The following NDUFAF6 variants were observed in gnomAD, a reference collection of about 807,000 sequenced individuals.
NDUFAF6 encodes the protein NADH:ubiquinone oxidoreductase complex assembly factor 6, also known as NADH dehydrogenase (ubiquinone) complex I, assembly factor 6.
Under a neutral mutation model 40.8 loss-of-function variants are expected in NDUFAF6, and 45 were observed. The observed-to-expected ratio is 1.10, with a 90% CI of 0.87 to 1.42. The LOEUF (loss-of-function observed/expected upper bound fraction) is 1.42, where lower values mean the gene tolerates loss of function less well. NDUFAF6 is among the 40% of genes most tolerant of loss of function. The probability of loss-of-function intolerance (pLI) is 0.00; values close to 1 mark genes in which losing one functional copy is unlikely to be tolerated. For synonymous variants in NDUFAF6, 185 were observed against 155.9 expected (o/e 1.19, Z -1.39); for missense variants, 435 against 418.5 (o/e 1.04, Z -0.34).
intron 2 of NDUFAF6, among the ~76,000 whole-genome samples, chr8:95,101,985 C>A (rs992175166): frequency 3.3e-5 from 4 of 122,192 alleles, no homozygotes; most frequent in Non-Finnish European, 5.0e-5. Flanking sequence ...AAAGTGTAAT[C>A]TAAAAAAGTA....
At chr8:95,020,542 T>C (rs533531327), upstream of NDUFAF6, among the ~76,000 whole-genome samples, 1 of 152,210 alleles carries the variant, frequency 6.6e-6, no homozygotes, top group East Asian at 1.9e-4. Context: ...AGGCTACCCT[T>C]CCTCTGAGCA....
intron 1 of NDUFAF6, among the ~76,000 whole-genome samples, chr8:94,914,836 A>G (rs186680953): frequency 6.6e-6 from 1 of 152,280 alleles, no homozygotes; most frequent in African/African-American, 2.4e-5. Context: ...TCAAAAAAAA[A>G]AAAATACAAA....
At chr8:95,052,281 G>A in intron 8 of NDUFAF6, 51 bp downstream of exon 8, 1 of 1,561,952 alleles carries the variant, frequency 6.4e-7, no homozygotes, top group Non-Finnish European at 8.8e-7. Flanking sequence ...AGATGTGTAT[G>A]ATCTGTTTTT....
At chr8:95,062,244 T>G (rs183714238), downstream of NDUFAF6, among the ~76,000 whole-genome samples, 4 of 152,020 alleles carry the variant, frequency 2.6e-5, no homozygotes, top group East Asian at 7.7e-4. Context: ...TTGTGTAACC[T>G]CAGCAAGTTA....
chr8:95,057,334 G>A (rs1360441558), intron 8 of NDUFAF6, among the ~76,000 whole-genome samples: 1 of 152,154 alleles, frequency 6.6e-6, no homozygotes, highest in Non-Finnish European at 1.5e-5. Context: ...AATTTTGCCT[G>A]GTTGAAAATC....
intron 2 of NDUFAF6, among the ~76,000 whole-genome samples, chr8:94,983,108 G>T (rs1489459657): frequency 6.6e-6 from 1 of 152,046 alleles, no homozygotes; most frequent in Non-Finnish European, 1.5e-5. Flanking sequence ...TAAAAGAAAT[G>T]ATATACATGA....
intron 2 of NDUFAF6, among the ~76,000 whole-genome samples, chr8:95,013,400 C>T (rs1212060147): frequency 6.6e-6 from 1 of 152,186 alleles, no homozygotes; most frequent in African/African-American, 2.4e-5. Context: ...GCTACTGCTC[C>T]CACACTGATA....
chr8:94,955,458 A>T (rs1209024623), upstream of NDUFAF6, among the ~76,000 whole-genome samples: 1 of 152,110 alleles, frequency 6.6e-6, no homozygotes, highest in African/African-American at 2.4e-5. Context: ...TGACCTAATC[A>T]CCTCTTAAAG....
At chr8:95,005,751 C>T (rs1449581103) in intron 2 of NDUFAF6, among the ~76,000 whole-genome samples, 1 of 151,564 alleles carries the variant, frequency 6.6e-6, no homozygotes, top group East Asian at 1.9e-4. Flanking sequence ...TTCTATCCTT[C>T]TCTAAATGCC....
At chr8:94,942,843 A>C (rs1431522798) in intron 1 of NDUFAF6, among the ~76,000 whole-genome samples, 2 of 152,162 alleles carry the variant, frequency 1.3e-5, no homozygotes, top group African/African-American at 4.8e-5. Flanking sequence ...CACCTTCAGT[A>C]CCGCTCAAGG....
chr8:94,999,930 G>A (rs1241945458), intron 2 of NDUFAF6, among the ~76,000 whole-genome samples: 1 of 152,070 alleles, frequency 6.6e-6, no homozygotes, highest in Admixed American at 6.5e-5. Context: ...CTTATTTGGG[G>A]GCCAGATGTG....
chr8:94,930,510 T>C lies in NDUFAF6; in HGVS notation c.-935-14973T>C, dbSNP rs1017860192. 6 of 1,614,142 alleles carry C rather than the reference T, an allele frequency of 3.7e-6. No homozygotes were observed. In the African/African-American group the frequency reaches 5.3e-5, roughly 14 times the overall value. Reference sequence around the variant, plus strand: ...ATTGTACTGACGCGGGCAGGGCTGATGAACAACCCAGCCATTGTGCTTGAC... The same window carrying C: ...ATTGTACTGACGCGGGCAGGGCTGACGAACAACCCAGCCATTGTGCTTGAC... On this transcript the variant is annotated intron_variant, in intron 1 of 14. Transcript: ENST00000396113.
chr8:94,963,029 G>A (rs1377357878), intron 1 of NDUFAF6, among the ~76,000 whole-genome samples: 1 of 151,226 alleles, frequency 6.6e-6, no homozygotes, highest in African/African-American at 2.4e-5. Context: ...GACCTCCACT[G>A]ATCCACCTGC....
At chr8:94,906,521 T>C (rs1179624670) in intron 1 of NDUFAF6, among the ~76,000 whole-genome samples, 4 of 152,184 alleles carry the variant, frequency 2.6e-5, no homozygotes, top group African/African-American at 4.8e-5. Flanking sequence ...TGTTTCATGA[T>C]AGGACAAATG....
At chr8:95,104,166 G>A (rs1809743201), downstream of NDUFAF6, among the ~76,000 whole-genome samples, 1 of 152,160 alleles carries the variant, frequency 6.6e-6, no homozygotes, top group Non-Finnish European at 1.5e-5. Flanking sequence ...GTGAGCCACT[G>A]CACCTGTATT....
At chr8:94,935,114 C>G (rs201333222) in intron 1 of NDUFAF6, among the ~76,000 whole-genome samples, 30 of 122,082 alleles carry the variant, frequency 2.5e-4, no homozygotes, top group Non-Finnish European at 3.6e-4. Flanking sequence ...TAGGTAGGTA[C>G]ATAGGTAGAT....
chr8:95,035,578 T>TAAA lies in NDUFAF6; in HGVS notation c.420+13_420+15dup, dbSNP rs34960210. The TAAA allele has an allele frequency of 1.1e-3, 1,524 of 1,431,790 alleles. 5 individuals carry two copies. The African/African-American group carries it at 0.018, about 17-fold the overall frequency. 88.7% of individuals were successfully genotyped at this position (1,431,790 alleles called of 1,614,324 possible). A position where few individuals can be genotyped will look rare whatever the true frequency, so the allele number is the denominator to read the frequency against. ...CCTGTGGCCATTGAACTATGGAAGG[T>TAAA]AAAAAAAAAAAAATACCACTTTTAA... On this transcript the variant is annotated splice_region_variant and intron_variant, in intron 3 of 8. Transcript: ENST00000396124.
intron 9 of NDUFAF6, among the ~76,000 whole-genome samples, chr8:95,072,406 C>G (rs1587234768): frequency 6.6e-6 from 1 of 152,204 alleles, no homozygotes; most frequent in Non-Finnish European, 1.5e-5. Context: ...TCTACTGGTA[C>G]TCATCTTAGT....
chr8:94,987,846 T>C (rs1249704923), intron 2 of NDUFAF6, among the ~76,000 whole-genome samples: 1 of 152,242 alleles, frequency 6.6e-6, no homozygotes, highest in African/African-American at 2.4e-5. Context: ...TTAGCCTGGC[T>C]TACTAGGCTG....
Sources: allele counts gnomAD v4.1 joint callset (sites outside exome capture counted in the v4.1 genomes callset), GRCh38; gene constraint gnomAD v4.1.1; transcripts MANE v1.5; gene names NCBI Gene and HGNC (gene_info 2026-07-23, HGNC 2026-07-21).